Variants in BCAS3 observed in about 807,000 individuals in gnomAD.
The protein encoded by BCAS3 is BCAS3 microtubule associated cell migration factor.
BCAS3 carries 53 observed loss-of-function variants against 116.1 expected under a neutral mutation model. The observed-to-expected ratio is 0.46, with a 90% CI of 0.37 to 0.57. The LOEUF (loss-of-function observed/expected upper bound fraction) is 0.57. BCAS3 is among the 20% of genes least tolerant of loss of function. The pLI, the probability that BCAS3 is intolerant of heterozygous loss-of-function variation, is 0.00. For synonymous variants in BCAS3, 391 were observed against 408.2 expected (o/e 0.96, Z 0.51); for missense variants, 917 against 1,165.4 (o/e 0.79, Z 3.10).
rs2058514416 is a variant in BCAS3, at chr17:61,362,657, A to G, written c.2426-5670A>G. 6.6e-6 allele frequency: 1 copy of G among 152,214 alleles called. No individual in the cohort carries two copies. 9.4% of individuals were successfully genotyped at this position (152,214 alleles called of 1,614,324 possible). A position where few individuals can be genotyped will look rare whatever the true frequency, so the allele number is the denominator to read the frequency against. ...TTTAATGGGTTTGTGAAACCCAAGAACCTGACCCATTTCTCCTCTGGGGAA... is the reference window on the plus strand; with the variant it reads ...TTTAATGGGTTTGTGAAACCCAAGAGCCTGACCCATTTCTCCTCTGGGGAA... On this transcript the variant is annotated intron_variant, in intron 22 of 23. Transcript: ENST00000407086. This position sits in a 1 kb window ranked among gnomAD's most constrained non-coding sequence, Gnocchi z 4.4.
At chr17:60,694,227 G>A (rs982827223) in intron 4 of BCAS3, among the ~76,000 whole-genome samples, 36 of 149,364 alleles carry the variant, frequency 2.4e-4, no homozygotes, top group Non-Finnish European at 5.2e-4. Context: ...TATTGGCTGG[G>A]CGTGGTGGCT....
intron 12 of BCAS3, among the ~76,000 whole-genome samples, chr17:60,911,537 A>G (rs112509187): frequency 0.21 from 31,787 of 152,086 alleles, 4,121 homozygotes; most frequent in African/African-American, 0.37. Flanking sequence ...ACCTCAAGTG[A>G]TCTGTCCGCC....
chr17:60,712,346 A>G (rs1598231601), intron 5 of BCAS3, among the ~76,000 whole-genome samples: 1 of 151,924 alleles, frequency 6.6e-6, no homozygotes, highest in Non-Finnish European at 1.5e-5. Flanking sequence ...ACTGCACTCC[A>G]GCCTGGGTGA....
At chr17:60,686,629 G>C (rs73332348) in intron 3 of BCAS3, among the ~76,000 whole-genome samples, 7,092 of 151,948 alleles carry the variant, frequency 0.047, 591 homozygotes, top group African/African-American at 0.16. Flanking sequence ...AGTTTCAAGC[G>C]ATTCTCCTGC....
intron 7 of BCAS3, among the ~76,000 whole-genome samples, chr17:60,837,652 C>CTTT (rs371521233): frequency 7.3e-6 from 1 of 136,962 alleles, no homozygotes; most frequent in Non-Finnish European, 1.6e-5. Flanking sequence ...TTTCACAATA[C>CTTT]TTTTTTTTTT....
At chr17:61,146,586 A>C (rs2077228522) in intron 22 of BCAS3, among the ~76,000 whole-genome samples, 1 of 152,148 alleles carries the variant, frequency 6.6e-6, no homozygotes, top group Admixed American at 6.5e-5. Context: ...TGGCTTTCAA[A>C]ATGGAACTAA....
chr17:61,218,866 T>C (rs1298617820), intron 22 of BCAS3, among the ~76,000 whole-genome samples: 1 of 152,208 alleles, frequency 6.6e-6, no homozygotes, highest in Non-Finnish European at 1.5e-5. Context: ...TGGATGATAG[T>C]CACCTTATTT....
intron 22 of BCAS3, among the ~76,000 whole-genome samples, chr17:61,117,795 C>T (rs905824964): frequency 2.0e-5 from 3 of 152,034 alleles, no homozygotes; most frequent in African/African-American, 7.3e-5. Flanking sequence ...CATAGCCTCG[C>T]CTGTTATCAA....
chr17:60,736,427 C>G (rs2144194549), intron 5 of BCAS3, among the ~76,000 whole-genome samples: 1 of 151,986 alleles, frequency 6.6e-6, no homozygotes, highest in South Asian at 2.1e-4. Flanking sequence ...TTCAAGTGAT[C>G]CACCCACGTC....
At chr17:61,291,946 T>C (rs189414443) in intron 22 of BCAS3, among the ~76,000 whole-genome samples, 16 of 152,238 alleles carry the variant, frequency 1.1e-4, no homozygotes, top group Non-Finnish European at 2.2e-4. Flanking sequence ...GTGGGAGGAT[T>C]GCATCTAGTG....
chr17:60,796,065 C>G (rs1464478420), intron 6 of BCAS3, among the ~76,000 whole-genome samples: 1 of 152,190 alleles, frequency 6.6e-6, no homozygotes, highest in Non-Finnish European at 1.5e-5. Flanking sequence ...ATCCCTGCAT[C>G]CCTGATATGA....
At chr17:61,101,696 C>G (rs1449875599) in intron 22 of BCAS3, among the ~76,000 whole-genome samples, 4 of 152,024 alleles carry the variant, frequency 2.6e-5, no homozygotes, top group African/African-American at 9.7e-5. Context: ...AGTTGTTCAG[C>G]TCTCATCCTC....
Position 61,178,954 on chromosome 17 carries a change from T to TA in BCAS3, c.2425+94391dup, listed in dbSNP as rs1270914272. Among the ~76,000 whole-genome samples the TA allele has an allele frequency of 2.0e-5, 3 of 152,314 alleles. No homozygotes were observed. In the South Asian group the frequency reaches 6.2e-4, roughly 32 times the overall value. On this transcript the variant is annotated intron_variant, in intron 22 of 23. Coordinates refer to ENST00000407086, the MANE Select transcript of BCAS3 (RefSeq NM_017679.5). ...TTAATTATTACAGTCTAAAAAATGATACGATGTTTTCCTGGGCTTGGGTTG... is the reference window on the plus strand; with the variant it reads ...TTAATTATTACAGTCTAAAAAATGATAACGATGTTTTCCTGGGCTTGGGTTG...
chr17:60,953,934 A>G (rs570711293), intron 14 of BCAS3, among the ~76,000 whole-genome samples: 2 of 151,966 alleles, frequency 1.3e-5, no homozygotes, highest in Admixed American at 6.5e-5. Flanking sequence ...GGGTTTCACT[A>G]TATTGGCCAG....
intron 22 of BCAS3, among the ~76,000 whole-genome samples, chr17:61,175,649 A>G (rs902905553): frequency 2.0e-5 from 3 of 152,252 alleles, no homozygotes; most frequent in African/African-American, 7.2e-5. Flanking sequence ...ACTGTTTTCC[A>G]TAATGGCTGT....
At chr17:60,810,466 G>C (rs191924681) in intron 7 of BCAS3, 15 of 659,724 alleles carry the variant, frequency 2.3e-5, no homozygotes, top group South Asian at 2.1e-4. Context: ...AGCAAGGAGC[G>C]TGGAGACCGG....
At chr17:61,176,525 C>T (rs1258535520) in intron 22 of BCAS3, among the ~76,000 whole-genome samples, 1 of 145,530 alleles carries the variant, frequency 6.9e-6, no homozygotes, top group Admixed American at 6.9e-5. Context: ...TGTGTAATGT[C>T]TATTTATTTA....
In BCAS3 at chr17:61,132,597, A is replaced by G. The variant is rs779620285; in HGVS notation, c.2425+48033A>G. Among the ~76,000 whole-genome samples, 2 of 152,236 alleles carry G rather than the reference A, an allele frequency of 1.3e-5. No homozygotes were observed. Among genetic ancestry groups the G allele is most frequent in the Non-Finnish European group, 2.9e-5 (2 of 68,036 alleles). On this transcript the variant is annotated intron_variant, in intron 22 of 23. Coordinates refer to ENST00000407086, the MANE Select transcript of BCAS3 (RefSeq NM_017679.5). This position sits in a 1 kb window ranked among gnomAD's most constrained non-coding sequence, Gnocchi z 5.1. ...CTATATTGAGTGGTCAAAATGCCAC[A>G]TTCAGAATACTTAGAGAGGGAGAAA...
chr17:60,803,940 T>C lies in BCAS3; in HGVS notation c.404-4064T>C, dbSNP rs530142792. On this transcript the variant is annotated intron_variant, in intron 6 of 23. Coordinates refer to ENST00000407086, the MANE Select transcript of BCAS3 (RefSeq NM_017679.5). ...CCTCAGCCTCTTGAGTAGCTGGGAT[T>C]ACAGGCATGCACCACCACGCCCGGC... Among the ~76,000 whole-genome samples the C allele has an allele frequency of 2.6e-5, 4 of 151,142 alleles. No individual in the cohort carries two copies. The East Asian group carries it at 8.0e-4, about 30-fold the overall frequency.
Sources: allele counts gnomAD v4.1 joint callset (sites outside exome capture counted in the v4.1 genomes callset), GRCh38; gene constraint gnomAD v4.1.1; non-coding constraint Gnocchi (gnomAD v3.1); transcripts MANE v1.5; gene names NCBI Gene and HGNC (gene_info 2026-07-23, HGNC 2026-07-21).